The following STAC variants were observed in gnomAD, a reference collection of about 807,000 sequenced individuals.
STAC encodes SH3 and cysteine-rich domain-containing protein.
In STAC, 43 loss-of-function variants were observed where a neutral mutation model predicts 48.8. The observed-to-expected ratio is 0.88, with a 90% CI of 0.69 to 1.14. The LOEUF (loss-of-function observed/expected upper bound fraction) is 1.14. Ranked by LOEUF, STAC falls within the 50% of genes most tolerant of loss-of-function variation. The pLI is 0.00. For missense variants in STAC, 497 were observed against 504.0 expected, an observed-to-expected ratio of 0.99 and a Z score of 0.13; for synonymous variants, 193 against 179.5, an observed-to-expected ratio of 1.07 and a Z score of -0.60.
intron 8 of STAC, among the ~76,000 whole-genome samples, chr3:36,526,355 G>C (rs1698936536): frequency 6.6e-6 from 1 of 152,152 alleles, no homozygotes; most frequent in African/African-American, 2.4e-5. Flanking sequence ...AACTGGCCTT[G>C]AGACTTGCTT....
chr3:36,486,043 C>G, intron 4 of STAC, 91 bp from the exon 5 acceptor site: 1 of 941,356 alleles, frequency 1.1e-6, no homozygotes, highest in East Asian at 2.4e-5. Context: ...GAGCCTGCTT[C>G]TCAGGCGCTG....
chr3:36,418,979 G>C (rs541810272), intron 1 of STAC, among the ~76,000 whole-genome samples: 1 of 151,308 alleles, frequency 6.6e-6, no homozygotes, highest in South Asian at 2.1e-4. Flanking sequence ...CCTGAGAGGC[G>C]GAGGTTGCAG....
chr3:36,509,806 A>G (rs939336389), intron 8 of STAC, among the ~76,000 whole-genome samples: 2 of 152,050 alleles, frequency 1.3e-5, no homozygotes, highest in African/African-American at 4.8e-5. Context: ...TACAAAAATT[A>G]ACTCAAGATG....
intron 1 of STAC, among the ~76,000 whole-genome samples, chr3:36,403,780 T>A (rs1156618266): frequency 6.6e-6 from 1 of 152,028 alleles, no homozygotes; most frequent in Non-Finnish European, 1.5e-5. Context: ...AGAGTAAAAG[T>A]CAAGGGTGCC....
intron 10 of STAC, among the ~76,000 whole-genome samples, chr3:36,541,849 G>A (rs1442983889): frequency 6.6e-6 from 1 of 152,174 alleles, no homozygotes; most frequent in Non-Finnish European, 1.5e-5. Context: ...TGCATATGCT[G>A]CACTTACCTT....
At chr3:36,390,320 TA>T (rs1205882638) in intron 1 of STAC, among the ~76,000 whole-genome samples, 1 of 152,192 alleles carries the variant, frequency 6.6e-6, no homozygotes, top group Non-Finnish European at 1.5e-5. Context: ...ACAATTAAAC[TA>T]AGACAGTCTT....
intron 2 of STAC, among the ~76,000 whole-genome samples, chr3:36,453,209 C>T (rs1278041357): frequency 6.6e-6 from 1 of 152,248 alleles, no homozygotes; most frequent in Non-Finnish European, 1.5e-5. Flanking sequence ...TTGCTCGCTC[C>T]CGGCGCCTCC....
intron 2 of STAC, among the ~76,000 whole-genome samples, chr3:36,451,534 T>G (rs1325759363): frequency 6.6e-6 from 1 of 152,230 alleles, no homozygotes; most frequent in Non-Finnish European, 1.5e-5. Context: ...TGTTAGATAT[T>G]TCTAGCTTTA....
chr3:36,546,332 G>C lies in STAC; in HGVS notation c.*43G>C. The C allele has an allele frequency of 6.6e-7, 1 of 1,524,524 alleles. No homozygotes were observed. Among genetic ancestry groups the C allele is most frequent in the South Asian group, 1.1e-5 (1 of 89,318 alleles). 94.4% of individuals were successfully genotyped at this position (1,524,524 alleles called of 1,614,324 possible). ...GTTTGCAGTAGGCAAGCTCTGCTGC[G>C]ATGCCTCTGCCTCATCTCACACTGC... is the stretch of plus-strand genomic sequence containing the variant. On this transcript the variant is annotated 3_prime_UTR_variant, in exon 11 of 11. Coordinates refer to ENST00000273183, the MANE Select transcript of STAC (RefSeq NM_003149.3).
intron 2 of STAC, among the ~76,000 whole-genome samples, chr3:36,454,917 T>C (rs910233985): frequency 1.3e-5 from 2 of 152,198 alleles, no homozygotes; most frequent in African/African-American, 4.8e-5. Context: ...TGGTGATTTC[T>C]TGAACCACTG....
intron 8 of STAC, among the ~76,000 whole-genome samples, chr3:36,509,033 A>G (rs1163085673): frequency 1.3e-5 from 2 of 152,082 alleles, no homozygotes. Flanking sequence ...ACAATTTGGT[A>G]TGTTTCTGCA....
At chr3:36,421,095 T>C (rs1051922969) in intron 1 of STAC, among the ~76,000 whole-genome samples, 16 of 152,232 alleles carry the variant, frequency 1.1e-4, no homozygotes, top group Non-Finnish European at 2.1e-4. Context: ...CCTGTCTATA[T>C]GCTTTGATAT....
intron 8 of STAC, among the ~76,000 whole-genome samples, chr3:36,511,445 G>A (rs1698535064): frequency 6.6e-6 from 1 of 152,144 alleles, no homozygotes; most frequent in South Asian, 2.1e-4. Context: ...CCCAAAATGT[G>A]AGTAATCTCA....
At chr3:36,472,992 G>T (rs1477435252) in intron 2 of STAC, among the ~76,000 whole-genome samples, 2 of 152,162 alleles carry the variant, frequency 1.3e-5, no homozygotes, top group African/African-American at 4.8e-5. Flanking sequence ...TGCTGATAAA[G>T]ACATACCTGA....
At chr3:36,465,454 T>C (rs781330178) in intron 2 of STAC, among the ~76,000 whole-genome samples, 4 of 152,250 alleles carry the variant, frequency 2.6e-5, no homozygotes, top group Non-Finnish European at 5.9e-5. Flanking sequence ...GAAGAAGCTT[T>C]TTAGTTTAAC....
chr3:36,442,499 A>G (rs1380793765), intron 1 of STAC, among the ~76,000 whole-genome samples: 1 of 152,170 alleles, frequency 6.6e-6, no homozygotes, highest in African/African-American at 2.4e-5. Context: ...AAGGTGCACC[A>G]TGGTGCAAGC....
intron 8 of STAC, among the ~76,000 whole-genome samples, chr3:36,508,054 T>C (rs1272282693): frequency 6.6e-6 from 1 of 152,198 alleles, no homozygotes. Flanking sequence ...CCTGTGGGCA[T>C]TTAGTGCTAT....
intron 2 of STAC, among the ~76,000 whole-genome samples, chr3:36,457,648 AGAG>A (rs563225184): frequency 6.0e-4 from 91 of 152,338 alleles, no homozygotes; most frequent in Admixed American, 4.6e-3. Context: ...ACTTCAGAAA[AGAG>A]GAGAAGAAGA....
intron 8 of STAC, among the ~76,000 whole-genome samples, chr3:36,514,413 G>A (rs528718610): frequency 4.0e-5 from 6 of 151,364 alleles, no homozygotes; most frequent in Non-Finnish European, 7.4e-5. Flanking sequence ...TTTCCTTGTT[G>A]CAGCCTTTCC....
Sources: allele counts gnomAD v4.1 joint callset (sites outside exome capture counted in the v4.1 genomes callset), GRCh38; gene constraint gnomAD v4.1.1; transcripts MANE v1.5; gene names NCBI Gene and HGNC (gene_info 2026-07-23, HGNC 2026-07-21).